NT5DC1: variants seen among roughly 807,000 people sequenced by gnomAD.
NT5DC1 encodes the protein 5'-nucleotidase domain-containing protein 1.
A neutral mutation model predicts 59.4 loss-of-function variants in NT5DC1; 42 were observed. The observed-to-expected ratio is 0.71, with a 90% CI of 0.55 to 0.92. NT5DC1 has a LOEUF of 0.92. Among genes scored for constraint, NT5DC1 ranks in the 40% least tolerant of loss-of-function variants. The pLI is 0.00. For missense variants in NT5DC1, 501 were observed against 537.1 expected (o/e 0.93, Z 0.66); for synonymous variants, 172 against 188.1 (o/e 0.91, Z 0.70).
chr6:116,158,555 T>A (rs942263371), intron 6 of NT5DC1: 4 of 152,234 alleles, frequency 2.6e-5, no homozygotes, highest in African/African-American at 9.6e-5. Context: ...GCCCTGTTTT[T>A]CATCTAGTCA....
chr6:116,186,367 T>G (rs1562155988), intron 6 of NT5DC1, among the ~76,000 whole-genome samples: 1 of 151,824 alleles, frequency 6.6e-6, no homozygotes. Context: ...GTGATCTTTT[T>G]GCGATGAATT....
In NT5DC1 at chr6:116,143,069, C is replaced by A. The variant is rs62414128; in HGVS notation, c.529+25124C>A. 4.5e-4 allele frequency among the ~76,000 whole-genome samples: 68 copies of A among 151,932 alleles called. 2 individuals carry two copies. Among genetic ancestry groups the A allele is most frequent in the African/African-American group, 1.6e-3 (67 of 41,364 alleles). On this transcript the variant is annotated intron_variant, in intron 6 of 11. Transcript: ENST00000319550. ...CTCTTACTAGGAAATTCCTGGAGACCGGATTTTGTTATTTTGAATAATATT... is the reference window on the plus strand; with the variant it reads ...CTCTTACTAGGAAATTCCTGGAGACAGGATTTTGTTATTTTGAATAATATT...
At position 116,232,818 on chromosome 6, in the gene NT5DC1, A is replaced by G. The variant is rs1474214490; in HGVS notation, c.803-4148A>G. ...ATATGTTCTTACAATAAGAAAATAA[A>G]AAGATTTACTTCATTGTAGTAAGAC... On this transcript the variant is annotated intron_variant, in intron 8 of 11. Coordinates refer to ENST00000319550, the MANE Select transcript of NT5DC1 (RefSeq NM_152729.3). Among the ~76,000 whole-genome samples, 6 of 152,352 alleles carry G rather than the reference A, an allele frequency of 3.9e-5. No homozygotes were observed. In the East Asian group the frequency reaches 1.2e-3, roughly 29 times the overall value.
chr6:116,175,866 C>T (rs1459377154), intron 6 of NT5DC1, among the ~76,000 whole-genome samples: 2 of 151,988 alleles, frequency 1.3e-5, no homozygotes, highest in African/African-American at 4.8e-5. Context: ...ATTTTTAAGT[C>T]CCTGTCTGAT....
intron 6 of NT5DC1, chr6:116,120,221 T>C (rs755537132): frequency 6.2e-7 from 1 of 1,614,176 alleles, no homozygotes; most frequent in South Asian, 1.1e-5. Context: ...CTGATCCAGG[T>C]AGCCTTTGGT....
rs770746546 is a variant in NT5DC1 at position 116,121,208 on chromosome 6, A to C, written c.529+3263A>C. On this transcript the variant is annotated intron_variant, in intron 6 of 11. Coordinates refer to ENST00000319550, the MANE Select transcript of NT5DC1 (RefSeq NM_152729.3). Reference sequence around the variant, plus strand: ...TCCTCTTTCTCCCTTCAGGCCTGGCAAGCCTGGTTTCCCAAAGCCAGGAGG... The same window carrying C: ...TCCTCTTTCTCCCTTCAGGCCTGGCCAGCCTGGTTTCCCAAAGCCAGGAGG... 9.3e-6 allele frequency: 15 copies of C among 1,613,522 alleles called. 1 individual carries two copies. In the South Asian group the frequency reaches 1.6e-4, roughly 18 times the overall value.
At position 116,176,916 on chromosome 6, in the gene NT5DC1, CT is replaced by C. The variant is rs35972771; in HGVS notation, c.530-44131del. Among the ~76,000 whole-genome samples the C allele has an allele frequency of 3.3e-5, 5 of 152,206 alleles. No homozygotes were observed. In the South Asian group the frequency reaches 1.0e-3, roughly 32 times the overall value. On this transcript the variant is annotated intron_variant, in intron 6 of 11. Transcript: ENST00000319550. ...TCTGGACCAAGATATGAAAGGGGCC[CT>C]TTTTTTGCCCCGTGTAATTTTAGAA... is the stretch of plus-strand genomic sequence containing the variant.
chr6:116,235,450 A>G (rs1326710689), intron 8 of NT5DC1, among the ~76,000 whole-genome samples: 1 of 152,230 alleles, frequency 6.6e-6, no homozygotes, highest in Non-Finnish European at 1.5e-5. Context: ...GACTGCTGAA[A>G]TGGCAGCTAG....
intron 8 of NT5DC1, among the ~76,000 whole-genome samples, chr6:116,226,710 A>C (rs979772057): frequency 2.6e-5 from 4 of 152,060 alleles, no homozygotes; most frequent in African/African-American, 9.7e-5. Flanking sequence ...ATGGTATGGA[A>C]ATATTAGGAA....
intron 6 of NT5DC1, among the ~76,000 whole-genome samples, chr6:116,159,033 A>G (rs973670875): frequency 1.1e-4 from 16 of 152,324 alleles, no homozygotes; most frequent in African/African-American, 3.8e-4. Flanking sequence ...AGTAGTTTTA[A>G]TTAATAAATC....
chr6:116,194,890 C>G (rs755539268), intron 6 of NT5DC1, among the ~76,000 whole-genome samples: 1 of 151,950 alleles, frequency 6.6e-6, no homozygotes, highest in East Asian at 1.9e-4. Flanking sequence ...TAGTTTGATA[C>G]AAGCATATTT....
At chr6:116,159,214 T>C (rs1161612999) in intron 6 of NT5DC1, among the ~76,000 whole-genome samples, 1 of 152,160 alleles carries the variant, frequency 6.6e-6, no homozygotes, top group African/African-American at 2.4e-5. Context: ...TTTTGGTAGT[T>C]TTATGGATTT....
intron 6 of NT5DC1, among the ~76,000 whole-genome samples, chr6:116,179,490 A>G (rs141245945): frequency 1.4e-4 from 22 of 152,246 alleles, no homozygotes; most frequent in African/African-American, 3.1e-4. Context: ...CGAATAGACA[A>G]TTCTCTAAAG....
At position 116,200,902 on chromosome 6, in the gene NT5DC1, C is replaced by T. The variant is rs1339118050; in HGVS notation, c.530-20152C>T. Among the ~76,000 whole-genome samples, 3 of 151,992 alleles carry T rather than the reference C, an allele frequency of 2.0e-5. No individual in the cohort carries two copies. In the East Asian group the frequency reaches 5.8e-4, roughly 29 times the overall value. On this transcript the variant is annotated intron_variant, in intron 6 of 11. Coordinates refer to ENST00000319550, the MANE Select transcript of NT5DC1 (RefSeq NM_152729.3). ...CTCCCTTCTTCTTCCCCCACCCACT[C>T]AGAAATACAGCTGCCTTACAACTTA...
Position 116,237,312 on chromosome 6 carries a change from A to G in NT5DC1, c.921+228A>G, listed in dbSNP as rs528196069. On this transcript the variant is annotated intron_variant, in intron 9 of 11. Transcript: ENST00000319550. ...CCTGTGGAATGTTATCCTGATAACA[A>G]TCTATCCAAAAAGTTTCCATATATA... The G allele has an allele frequency of 4.5e-4, 280 of 619,740 alleles. 1 individual carries two copies. Among genetic ancestry groups the G allele is most frequent in the South Asian group, 3.0e-3 (177 of 58,586 alleles). The allele number at this position is 619,740 out of a possible 1,614,324, so 38.4% of individuals were successfully genotyped here. A position where few individuals can be genotyped will look rare whatever the true frequency, so the allele number is the denominator to read the frequency against.
At position 116,245,389 on chromosome 6, in the gene NT5DC1, A is replaced by G. The variant is rs1212594301; in HGVS notation, c.*1365A>G. Reference sequence around the variant, plus strand: ...CGATGCATGCAATGGAAAGAAAAAAAATTTGTTAAAATTTGTAAATGTTCA... The same window carrying G: ...CGATGCATGCAATGGAAAGAAAAAAGATTTGTTAAAATTTGTAAATGTTCA... On this transcript the variant is annotated 3_prime_UTR_variant, in exon 12 of 12. Coordinates refer to ENST00000319550, the MANE Select transcript of NT5DC1 (RefSeq NM_152729.3). 6.6e-6 allele frequency: 1 copy of G among 152,622 alleles called. No homozygotes were observed. Among genetic ancestry groups the G allele is most frequent in the African/African-American group, 2.4e-5 (1 of 41,462 alleles). 9.5% of individuals were successfully genotyped at this position (152,622 alleles called of 1,614,324 possible).
chr6:116,120,944 G>A (rs1779100523), intron 6 of NT5DC1: 1 of 1,613,750 alleles, frequency 6.2e-7, no homozygotes, highest in African/African-American at 1.3e-5. Context: ...TGGTTTTCCT[G>A]GGTACCCTGG....
At position 116,127,196 on chromosome 6, in the gene NT5DC1, A is replaced by G. The variant is rs551432747; in HGVS notation, c.529+9251A>G. Among the ~76,000 whole-genome samples the G allele has an allele frequency of 1.1e-4, 16 of 152,332 alleles. No homozygotes were observed. In the East Asian group the frequency reaches 3.1e-3, roughly 29 times the overall value. On this transcript the variant is annotated intron_variant, in intron 6 of 11. Transcript: ENST00000319550. Reference sequence around the variant, plus strand: ...AGTAGTATGGATTCAGGACTAATCAATAATTGAAATAATTGAAAGTTTGAC... The same window carrying G: ...AGTAGTATGGATTCAGGACTAATCAGTAATTGAAATAATTGAAAGTTTGAC...
At chr6:116,127,611 G>A (rs1779354685) in intron 6 of NT5DC1, among the ~76,000 whole-genome samples, 1 of 152,012 alleles carries the variant, frequency 6.6e-6, no homozygotes, top group Admixed American at 6.6e-5. Flanking sequence ...TTTGGCTTAT[G>A]GCCCATTTGG....
Sources: allele counts gnomAD v4.1 joint callset (sites outside exome capture counted in the v4.1 genomes callset), GRCh38; gene constraint gnomAD v4.1.1; transcripts MANE v1.5; gene names NCBI Gene and HGNC (gene_info 2026-07-23, HGNC 2026-07-21).